Variants in APBB1IP observed in about 807,000 individuals in gnomAD.
APBB1IP encodes the protein amyloid beta A4 precursor protein-binding family B member 1-interacting protein.
Under a neutral mutation model 64.9 loss-of-function variants are expected in APBB1IP, and 27 were observed. The ratio of observed to expected loss-of-function variants is 0.42; its 90% confidence interval spans 0.31 to 0.57. The LOEUF (loss-of-function observed/expected upper bound fraction) is 0.57. APBB1IP is among the 20% of genes least tolerant of loss of function. The pLI, the probability that APBB1IP is intolerant of heterozygous loss-of-function variation, is 0.20. For missense variants in APBB1IP, 812 were observed against 845.5 expected (o/e 0.96, Z 0.49); for synonymous variants, 392 against 331.0 (o/e 1.18, Z -2.00).
At chr10:26,564,442 G>A (rs994008302) in intron 14 of APBB1IP, among the ~76,000 whole-genome samples, 1 of 152,150 alleles carries the variant, frequency 6.6e-6, no homozygotes, top group Non-Finnish European at 1.5e-5. Context: ...CCTGAGACAC[G>A]AGTCATAATG....
chr10:26,475,441 G>A (rs1835764448), intron 2 of APBB1IP, among the ~76,000 whole-genome samples: 1 of 152,034 alleles, frequency 6.6e-6, no homozygotes, highest in African/African-American at 2.4e-5. Context: ...TTTTCTTTGT[G>A]TGGATTTGAG....
intron 2 of APBB1IP, among the ~76,000 whole-genome samples, chr10:26,456,925 G>A (rs1328292642): frequency 2.0e-5 from 3 of 152,070 alleles, no homozygotes; most frequent in Non-Finnish European, 4.4e-5. Flanking sequence ...CAAGTTCAAG[G>A]GCATTAGAAA....
chr10:26,551,274 C>A (rs947706190), intron 11 of APBB1IP, among the ~76,000 whole-genome samples: 2 of 152,182 alleles, frequency 1.3e-5, no homozygotes, highest in African/African-American at 2.4e-5. Flanking sequence ...TAGGCCCATG[C>A]AGAAGCAAGC....
chr10:26,485,265 C>T (rs555769784), intron 2 of APBB1IP, among the ~76,000 whole-genome samples: 4 of 152,302 alleles, frequency 2.6e-5, no homozygotes, highest in East Asian at 3.9e-4. Context: ...TGATAGTTCT[C>T]GGAACCATGT....
chr10:26,472,706 G>T (rs530605605), intron 2 of APBB1IP, among the ~76,000 whole-genome samples: 1 of 152,104 alleles, frequency 6.6e-6, no homozygotes, highest in East Asian at 1.9e-4. Context: ...GGAGGCCAAG[G>T]CCGGCAGATC....
At chr10:26,566,903 T>C in intron 14 of APBB1IP, 58 bp from the exon 15 acceptor site, 1 of 1,486,412 alleles carries the variant, frequency 6.7e-7, no homozygotes, top group Non-Finnish European at 8.9e-7. Flanking sequence ...TTAATAACAA[T>C]AAATTTAAAA....
At chr10:26,471,293 C>G (rs1467917458) in intron 2 of APBB1IP, among the ~76,000 whole-genome samples, 1 of 152,182 alleles carries the variant, frequency 6.6e-6, no homozygotes, top group Non-Finnish European at 1.5e-5. Context: ...TAGAGACCCC[C>G]ACACTGCACA....
At position 26,528,619 on chromosome 10, in the gene APBB1IP, C is replaced by T. The variant is rs144643183; in HGVS notation, c.814-4820C>T. On this transcript the variant is annotated intron_variant, in intron 8 of 14. Coordinates refer to ENST00000376236, the MANE Select transcript of APBB1IP (RefSeq NM_019043.4). ...ATGATCGATCTGTATTTATCTTCTC[C>T]ATGTGATAGCAACCTTCTTAAGAAC... Among the ~76,000 whole-genome samples, 669 of 152,212 alleles carry T rather than the reference C, an allele frequency of 4.4e-3. 5 individuals are homozygous for T. Among genetic ancestry groups the T allele is most frequent in the Non-Finnish European group, 8.2e-3 (556 of 68,014 alleles).
At chr10:26,514,530 G>A (rs779016715) in intron 8 of APBB1IP, among the ~76,000 whole-genome samples, 31 of 152,140 alleles carry the variant, frequency 2.0e-4, no homozygotes, top group Non-Finnish European at 4.0e-4. Context: ...CAAGTCATGT[G>A]TACAAGCATG....
At chr10:26,550,065 G>A (rs1415670630) in intron 11 of APBB1IP, among the ~76,000 whole-genome samples, 1 of 150,992 alleles carries the variant, frequency 6.6e-6, no homozygotes, top group Non-Finnish European at 1.5e-5. Context: ...TCATCACTCT[G>A]AATATATTGT....
At chr10:26,549,492 A>G (rs925113343) in intron 11 of APBB1IP, among the ~76,000 whole-genome samples, 1 of 151,946 alleles carries the variant, frequency 6.6e-6, no homozygotes, top group African/African-American at 2.4e-5. Flanking sequence ...CAATTTCATT[A>G]CTCATTGTTG....
At chr10:26,445,688 T>C (rs1408120328) in intron 2 of APBB1IP, among the ~76,000 whole-genome samples, 1 of 152,248 alleles carries the variant, frequency 6.6e-6, no homozygotes, top group Non-Finnish European at 1.5e-5. Context: ...CCCGGAGGTT[T>C]CAAATGTTTA....
chr10:26,497,315 G>A (rs1836037813), intron 4 of APBB1IP, among the ~76,000 whole-genome samples: 1 of 152,136 alleles, frequency 6.6e-6, no homozygotes, highest in Non-Finnish European at 1.5e-5. Flanking sequence ...ACTTTGGGAG[G>A]CCGAGGTGGG....
At position 26,503,240 on chromosome 10, in the gene APBB1IP, C is replaced by T. The variant is rs1836128941; in HGVS notation, c.497C>T (p.Ala166Val). The T allele has an allele frequency of 4.3e-6, 7 of 1,613,974 alleles. No homozygotes were observed. Among genetic ancestry groups the T allele is most frequent in the Non-Finnish European group, 4.2e-6 (5 of 1,179,970 alleles). Residue 166 changes from alanine (A) to valine (V), a missense_variant, in exon 6 of 15, where the codon GCG becomes GTG. By Grantham distance (64) the Ala-to-Val change is moderately conservative (BLOSUM62 0). Around this residue, in one of 3 missense-constraint regions of APBB1IP, gnomAD observed 394 missense variants for 413.1 expected, o/e 0.95. Coordinates refer to ENST00000376236, the MANE Select transcript of APBB1IP (RefSeq NM_019043.4). ...AQAKADKIKL[A>V]LEKLKEAKVK... ...GCCAAGGCTGATAAAATTAAGCTGGCGCTGGAAAAACTGAAGGAGGCCAAG... is the reference window on the plus strand; with the variant it reads ...GCCAAGGCTGATAAAATTAAGCTGGTGCTGGAAAAACTGAAGGAGGCCAAG...
intron 2 of APBB1IP, among the ~76,000 whole-genome samples, chr10:26,469,920 T>C (rs926695221): frequency 5.3e-5 from 8 of 152,326 alleles, no homozygotes; most frequent in Middle Eastern, 3.4e-3. Context: ...TTTTAAATCC[T>C]TTTCCCTTTT....
chr10:26,535,732 T>G (rs1045575066), intron 9 of APBB1IP, among the ~76,000 whole-genome samples: 2 of 152,220 alleles, frequency 1.3e-5, no homozygotes, highest in African/African-American at 4.8e-5. Context: ...AAAGGCTTAC[T>G]TTTACAATAT....
At chr10:26,493,972 G>C (rs1000693657) in intron 3 of APBB1IP, among the ~76,000 whole-genome samples, 1 of 152,082 alleles carries the variant, frequency 6.6e-6, no homozygotes, top group African/African-American at 2.4e-5. Context: ...AAGTAGCAGG[G>C]ACTACAGGTG....
At chr10:26,481,771 C>A (rs1276843248) in intron 2 of APBB1IP, among the ~76,000 whole-genome samples, 1 of 151,758 alleles carries the variant, frequency 6.6e-6, no homozygotes, top group Admixed American at 6.6e-5. Context: ...TCAGGTGTAA[C>A]CCACCGCACC....
intron 10 of APBB1IP, among the ~76,000 whole-genome samples, chr10:26,538,641 C>CA (rs765081330): frequency 0.062 from 4,843 of 77,590 alleles, 97 homozygotes; most frequent in East Asian, 0.1. Context: ...GATTCCATCT[C>CA]AAAAAAAAAA....
Sources: allele counts gnomAD v4.1 joint callset (sites outside exome capture counted in the v4.1 genomes callset), GRCh38; gene constraint gnomAD v4.1.1; regional missense constraint gnomAD v4.1.1; transcripts MANE v1.5; gene names NCBI Gene and HGNC (gene_info 2026-07-23, HGNC 2026-07-21).